ZBED6: variants seen among roughly 807,000 people sequenced by gnomAD.
ZBED6 encodes zinc finger BED-type containing 6, also known as zinc finger BED domain-containing protein 6.
In ZBED6, 40 loss-of-function variants were observed where a neutral mutation model predicts 58.4. The observed-to-expected ratio is 0.68, with a 90% CI of 0.53 to 0.89. ZBED6 has a LOEUF of 0.89. Ranked by LOEUF, ZBED6 falls within the 40% of genes least tolerant of loss-of-function variation. The probability of loss-of-function intolerance (pLI) is 0.00; values close to 1 mark genes in which losing one functional copy is unlikely to be tolerated. For missense variants in ZBED6, 1,057 were observed against 1,003.9 expected, an observed-to-expected ratio of 1.05 and a Z score of -0.71; for synonymous variants, 439 against 350.6, an observed-to-expected ratio of 1.25 and a Z score of -2.82.
chr1:203,798,379 A>C, exon 1 of ZBED6: 1 of 1,534,916 alleles, frequency 6.5e-7, no homozygotes, highest in Non-Finnish European at 8.7e-7. Flanking sequence ...GCTGTGTGTA[A>C]TATATGTAAA....
chr1:203,824,069 G>A (rs1393211061), intron 3 of ZBED6, among the ~76,000 whole-genome samples: 7 of 152,048 alleles, frequency 4.6e-5, no homozygotes, highest in South Asian at 4.2e-4. Context: ...AGGAGTTTGA[G>A]ACCAGCTGGC....
chr1:203,799,741 A>G (rs1669940311), exon 1 of ZBED6: 2 of 798,584 alleles, frequency 2.5e-6, no homozygotes, highest in African/African-American at 1.7e-5. Flanking sequence ...CAGGCCCTCA[A>G]TCTGGTGGAT....
At chr1:203,797,895 C>G in exon 1 of ZBED6, 1 of 1,536,126 alleles carries the variant, frequency 6.5e-7, no homozygotes, top group Non-Finnish European at 8.7e-7. Flanking sequence ...ACAGATCTAT[C>G]TACCTAGTAC....
In ZBED6 at chr1:203,850,691, A is replaced by T. The variant is rs1007862972; in HGVS notation, c.*4805+10A>T. The stretch of plus-strand genomic sequence containing the variant: ...CAAAAAGGCAGCTGTGGTAAGAAGT[A>T]TATTCACTTTGTGGTGCTTTATTCT... On this transcript the variant is annotated intron_variant, in intron 15 of 16. Coordinates refer to ENST00000550078, the Ensembl canonical transcript of ZBED6. The T allele has an allele frequency of 1.2e-6, 2 of 1,612,486 alleles. No homozygotes were observed. Among genetic ancestry groups the T allele is most frequent in the African/African-American group, 2.7e-5 (2 of 75,012 alleles).
chr1:203,805,924 A>G (rs1672171578), intron 1 of ZBED6: 2 of 664,146 alleles, frequency 3.0e-6, no homozygotes, highest in South Asian at 2.7e-5. Context: ...GTCTACCTTC[A>G]TTTCCTTTGC....
intron 1 of ZBED6, among the ~76,000 whole-genome samples, chr1:203,816,693 CTG>C (rs1239944946): frequency 6.6e-6 from 1 of 152,102 alleles, no homozygotes; most frequent in East Asian, 1.9e-4. Context: ...AATGCTGTAA[CTG>C]TGTAACAAGC....
exon 14 of ZBED6, chr1:203,849,979 T>C: frequency 1.2e-6 from 2 of 1,613,968 alleles, no homozygotes; most frequent in South Asian, 2.2e-5. Flanking sequence ...GGAGACTCAT[T>C]ATTGAATGTG....
At chr1:203,800,610 T>C in exon 1 of ZBED6, 1 of 651,612 alleles carries the variant, frequency 1.5e-6, no homozygotes, top group Non-Finnish European at 2.3e-6. Context: ...AGAGGCAATA[T>C]AATTTTGATA....
chr1:203,827,681 C>CAA (rs77923419), intron 3 of ZBED6, among the ~76,000 whole-genome samples: 2 of 86,288 alleles, frequency 2.3e-5, no homozygotes, highest in Non-Finnish European at 2.5e-5. Flanking sequence ...GACTCTGTCT[C>CAA]AAAAAAAAAA....
intron 8 of ZBED6, among the ~76,000 whole-genome samples, 173 bp from the exon 9 acceptor site, chr1:203,833,618 G>GTGTTT (rs1683191716): frequency 8.0e-6 from 1 of 124,832 alleles, no homozygotes; most frequent in African/African-American, 2.9e-5. Context: ...ATAGGTTTGG[G>GTGTTT]TTTTTTTTTT....
exon 1 of ZBED6, chr1:203,796,653 A>C (rs1275811776): frequency 2.6e-6 from 1 of 391,532 alleles, no homozygotes; most frequent in East Asian, 3.6e-5. Context: ...GAAAAATGGA[A>C]GTGGTTTAAA....
chr1:203,798,749 C>T (rs1669536682), exon 1 of ZBED6: 3 of 1,536,154 alleles, frequency 2.0e-6, no homozygotes, highest in African/African-American at 1.4e-5. Context: ...TCTCAAGTCA[C>T]ATAAGTCAGG....
intron 8 of ZBED6, among the ~76,000 whole-genome samples, chr1:203,833,405 G>A (rs924674478): frequency 2.7e-5 from 4 of 148,534 alleles, no homozygotes; most frequent in African/African-American, 5.0e-5. Context: ...GGTAGTGTGC[G>A]CAGTAGTCCC....
intron 1 of ZBED6, among the ~76,000 whole-genome samples, chr1:203,814,534 A>G (rs1189655980): frequency 6.6e-6 from 1 of 152,144 alleles, no homozygotes; most frequent in Non-Finnish European, 1.5e-5. Context: ...AAAGAAAAAA[A>G]AAAGAATAAC....
chr1:203,853,267 AC>A (rs1463978594), exon 17 of ZBED6: 1 of 152,452 alleles, frequency 6.6e-6, no homozygotes, highest in Non-Finnish European at 1.5e-5. Context: ...CTCCCAACAA[AC>A]CCCTGTTGCC....
At chr1:203,827,142 A>C (rs1343353733) in intron 3 of ZBED6, among the ~76,000 whole-genome samples, 1 of 152,126 alleles carries the variant, frequency 6.6e-6, no homozygotes. Context: ...TCATTACTAG[A>C]TGATATTCTG....
intron 3 of ZBED6, among the ~76,000 whole-genome samples, 190 bp from the exon 4 acceptor site, chr1:203,828,109 T>G (rs1267853348): frequency 6.6e-6 from 1 of 152,220 alleles, no homozygotes; most frequent in Non-Finnish European, 1.5e-5. Context: ...ACTACTCTCC[T>G]GCTCCATTCA....
rs1681174464 is a variant in ZBED6, at chr1:203,828,160, C to T, written c.*2874-139C>T. 4.2e-6 allele frequency: 4 copies of T among 953,600 alleles called. No individual in the cohort carries two copies. In the South Asian group the frequency reaches 6.6e-5, roughly 16 times the overall value. 59.1% of individuals were successfully genotyped at this position (953,600 alleles called of 1,614,324 possible). A position where few individuals can be genotyped will look rare whatever the true frequency, so the allele number is the denominator to read the frequency against. ...TAAGTTATGTTATTTTCAGCAATCTCTCTTCCTTCTAAAAATCATCTCATC... is the reference window on the plus strand; with the variant it reads ...TAAGTTATGTTATTTTCAGCAATCTTTCTTCCTTCTAAAAATCATCTCATC... On this transcript the variant is annotated intron_variant, in intron 3 of 16. Transcript: ENST00000550078.
chr1:203,819,511 C>G (rs990979999), intron 3 of ZBED6, among the ~76,000 whole-genome samples: 1 of 148,512 alleles, frequency 6.7e-6, no homozygotes, highest in Non-Finnish European at 1.5e-5. Flanking sequence ...CGTGAGCCAC[C>G]GTGCCCAGCT....
Sources: gnomAD v4.1 joint callset for allele counts (sites outside exome capture counted in the v4.1 genomes callset) on GRCh38, gnomAD v4.1.1 for gene constraint, MANE v1.5 for transcripts, NCBI Gene and HGNC (gene_info 2026-07-23, HGNC 2026-07-21) for gene names.